The following FBXL17 variants were observed in gnomAD, a reference collection of about 807,000 sequenced individuals.
The protein encoded by FBXL17 is F-box and leucine rich repeat protein 17, also known as F-box/LRR-repeat protein 17.
In FBXL17, 22 loss-of-function variants were observed where a neutral mutation model predicts 66.2. That is an observed-to-expected ratio of 0.33 (90% CI 0.24 to 0.47). The LOEUF (loss-of-function observed/expected upper bound fraction) is 0.47. FBXL17 is among the 20% of genes least tolerant of loss of function. The probability of loss-of-function intolerance (pLI) is 1.00; values close to 1 mark genes in which losing one functional copy is unlikely to be tolerated. For missense variants in FBXL17, 878 were observed against 948.2 expected (o/e 0.93, Z 0.97); for synonymous variants, 474 against 400.5 (o/e 1.18, Z -2.19).
At chr5:108,136,087 A>AT (rs1379508685) in intron 6 of FBXL17, among the ~76,000 whole-genome samples, 2 of 152,094 alleles carry the variant, frequency 1.3e-5, no homozygotes, top group Non-Finnish European at 2.9e-5. Flanking sequence ...TGAAGAAAAC[A>AT]TTTTTTGTCA....
At chr5:107,971,620 A>C (rs72796002) in intron 7 of FBXL17, among the ~76,000 whole-genome samples, 3,374 of 152,278 alleles carry the variant, frequency 0.022, 53 homozygotes, top group Middle Eastern at 0.054. Context: ...TTATAACAGA[A>C]CTGACCGTAA....
chr5:108,300,771 C>A (rs895175566), intron 4 of FBXL17, among the ~76,000 whole-genome samples: 4 of 151,606 alleles, frequency 2.6e-5, no homozygotes, highest in African/African-American at 9.7e-5. Flanking sequence ...ATTTTTATTA[C>A]CTTGCATCTA....
intron 7 of FBXL17, among the ~76,000 whole-genome samples, chr5:107,991,807 T>C (rs1026580159): frequency 6.6e-6 from 1 of 152,216 alleles, no homozygotes; most frequent in East Asian, 1.9e-4. Context: ...TCTGCTCTTT[T>C]ATAATATCCT....
intron 7 of FBXL17, among the ~76,000 whole-genome samples, chr5:107,977,333 A>C (rs1752618556): frequency 6.6e-6 from 1 of 152,216 alleles, no homozygotes; most frequent in African/African-American, 2.4e-5. Context: ...GAACACACAC[A>C]CACGTAATTT....
At chr5:108,184,132 G>T (rs1470755859) in intron 6 of FBXL17, among the ~76,000 whole-genome samples, 1 of 152,062 alleles carries the variant, frequency 6.6e-6, no homozygotes, top group Non-Finnish European at 1.5e-5. Flanking sequence ...AAAAAGGGGA[G>T]GCCAGGCACG....
rs1020739865 is a variant in FBXL17, at chr5:108,382,071, C to A, written c.-380G>T. 1.8e-5 allele frequency: 12 copies of A among 652,288 alleles called. No homozygotes were observed. The highest frequency in any genetic ancestry group is 2.3e-5 in the Non-Finnish European group (12 of 518,700). 40.4% of individuals were successfully genotyped at this position (652,288 alleles called of 1,614,324 possible). A position where few individuals can be genotyped will look rare whatever the true frequency, so the allele number is the denominator to read the frequency against. On this transcript the variant is annotated 5_prime_UTR_variant, in exon 1 of 9. Coordinates refer to ENST00000542267, the MANE Select transcript of FBXL17 (RefSeq NM_001163315.3). ...GCTCGGACCATTTTAACTGCGGATCCGCCGCCGGCGCGCGCACCCGCGACT... is the reference window on the plus strand; with the variant it reads ...GCTCGGACCATTTTAACTGCGGATCAGCCGCCGGCGCGCGCACCCGCGACT...
chr5:108,125,686 T>C (rs909019430), intron 6 of FBXL17, among the ~76,000 whole-genome samples: 3 of 152,060 alleles, frequency 2.0e-5, no homozygotes, highest in African/African-American at 7.2e-5. Flanking sequence ...TAATAGTAAT[T>C]TGGGTTGATA....
intron 3 of FBXL17, among the ~76,000 whole-genome samples, chr5:108,362,873 A>G (rs1393913361): frequency 6.6e-6 from 1 of 152,090 alleles, no homozygotes; most frequent in Non-Finnish European, 1.5e-5. Context: ...AAATTTACAT[A>G]TATCATTCTA....
At chr5:108,298,530 T>C (rs1054537865) in intron 4 of FBXL17, 14 of 975,068 alleles carry the variant, frequency 1.4e-5, no homozygotes, top group Non-Finnish European at 1.7e-5. Flanking sequence ...ACTTGCCTAA[T>C]GATGCTAAGG....
intron 4 of FBXL17, among the ~76,000 whole-genome samples, chr5:108,323,987 G>C (rs1349571073): frequency 6.6e-6 from 1 of 151,950 alleles, no homozygotes; most frequent in Non-Finnish European, 1.5e-5. Context: ...AAAACTCTTA[G>C]AAGGAAAGGT....
intron 7 of FBXL17, among the ~76,000 whole-genome samples, chr5:108,008,784 T>C (rs1754034328): frequency 6.6e-6 from 1 of 151,948 alleles, no homozygotes; most frequent in Non-Finnish European, 1.5e-5. Context: ...ACTTCAAACC[T>C]CCAAATCTGA....
chr5:108,055,280 G>GAAAAAAAAAAAAAAAA (rs1000211060), intron 6 of FBXL17, among the ~76,000 whole-genome samples: 2 of 23,688 alleles, frequency 8.4e-5, no homozygotes, highest in Non-Finnish European at 7.9e-5. Flanking sequence ...AGAATTTTTA[G>GAAAAAAAAAAAAAAAA]AAAAAAAAAA....
At position 108,216,363 on chromosome 5, in the gene FBXL17, C is replaced by T. The variant is rs534236871; in HGVS notation, c.1614+7758G>A. Among the ~76,000 whole-genome samples the T allele has an allele frequency of 2.6e-4, 40 of 151,984 alleles. 1 individual carries two copies. Among genetic ancestry groups the T allele is most frequent in the Non-Finnish European group, 2.1e-4 (14 of 67,970 alleles). ...TATGTAGGTCTTCTTTAATTCCTTT[C>T]GGTAATGTTTTGTGGGTTTCAGTGA... On this transcript the variant is annotated intron_variant, in intron 5 of 8. Coordinates refer to ENST00000542267, the MANE Select transcript of FBXL17 (RefSeq NM_001163315.3).
intron 4 of FBXL17, among the ~76,000 whole-genome samples, chr5:108,262,667 A>T (rs891565541): frequency 2.6e-5 from 4 of 152,134 alleles, no homozygotes; most frequent in Non-Finnish European, 4.4e-5. Flanking sequence ...GAGACAATAT[A>T]CGAGAAGAAA....
chr5:108,021,697 T>C (rs1580339288), intron 6 of FBXL17, among the ~76,000 whole-genome samples: 2 of 151,858 alleles, frequency 1.3e-5, no homozygotes, highest in African/African-American at 4.8e-5. Context: ...CTAGCGGAAG[T>C]TGTATACAGA....
At chr5:107,893,024 TC>T (rs1252519778) in intron 7 of FBXL17, among the ~76,000 whole-genome samples, 1 of 152,174 alleles carries the variant, frequency 6.6e-6, no homozygotes, top group Non-Finnish European at 1.5e-5. Flanking sequence ...AATATACCTG[TC>T]TATCTCTCAA....
intron 7 of FBXL17, among the ~76,000 whole-genome samples, chr5:107,999,342 C>T (rs1017080614): frequency 2.0e-5 from 3 of 152,026 alleles, no homozygotes; most frequent in African/African-American, 7.2e-5. Context: ...ACTAGCCATG[C>T]AAGACTCTTA....
chr5:107,875,107 C>CTT (rs374471434), intron 8 of FBXL17, among the ~76,000 whole-genome samples: 43 of 143,416 alleles, frequency 3.0e-4, no homozygotes, highest in Admixed American at 7.6e-4. Context: ...CTCTCTCTCT[C>CTT]TTTTTTTTTT....
chr5:108,017,315 G>A (rs138271728), intron 7 of FBXL17, among the ~76,000 whole-genome samples: 4 of 152,142 alleles, frequency 2.6e-5, no homozygotes, highest in Non-Finnish European at 4.4e-5. Context: ...ATCTTGTTTA[G>A]CTAGCTTAGC....
Sources: allele counts gnomAD v4.1 joint callset (sites outside exome capture counted in the v4.1 genomes callset), GRCh38; gene constraint gnomAD v4.1.1; transcripts MANE v1.5; gene names NCBI Gene and HGNC (gene_info 2026-07-23, HGNC 2026-07-21).